MMP26: variants seen among roughly 807,000 people sequenced by gnomAD.
The protein encoded by MMP26 is matrix metallopeptidase 26.
MMP26 carries 33 observed loss-of-function variants against 31.0 expected under a neutral mutation model. The ratio of observed to expected loss-of-function variants is 1.06; its 90% CI spans 0.81 to 1.42. The LOEUF is 1.42. MMP26 is among the 40% of genes most tolerant of loss of function. The probability of loss-of-function intolerance (pLI) is 0.00; values close to 1 mark genes in which losing one functional copy is unlikely to be tolerated. For synonymous variants in MMP26, 122 were observed against 114.9 expected, an observed-to-expected ratio of 1.06 and a Z score of -0.40; for missense variants, 347 against 316.1, an observed-to-expected ratio of 1.10 and a Z score of -0.74.
At chr11:4,974,923 G>A (rs1846716005) in intron 2 of MMP26, among the ~76,000 whole-genome samples, 2 of 151,948 alleles carry the variant, frequency 1.3e-5, no homozygotes, top group African/African-American at 2.4e-5. Flanking sequence ...ATGGACACAG[G>A]GAGAGGAACA....
At chr11:4,980,983 A>T (rs1198101127) in intron 2 of MMP26, among the ~76,000 whole-genome samples, 1 of 152,056 alleles carries the variant, frequency 6.6e-6, no homozygotes, top group Non-Finnish European at 1.5e-5. Flanking sequence ...TATTTATATG[A>T]CAATAGATAT....
At chr11:4,943,985 G>A (rs1330849399) in intron 2 of MMP26, 1 of 410,270 alleles carries the variant, frequency 2.4e-6, no homozygotes, top group Non-Finnish European at 4.8e-6. Context: ...TGGAAATGAA[G>A]TCTTCATATT....
chr11:4,920,879 A>G (rs773410983), intron 2 of MMP26, among the ~76,000 whole-genome samples: 1 of 152,194 alleles, frequency 6.6e-6, no homozygotes, highest in Non-Finnish European at 1.5e-5. Flanking sequence ...TCAGAAAATA[A>G]AGTGCTTCTA....
At chr11:4,943,739 A>G in intron 2 of MMP26, 1 of 360,838 alleles carries the variant, frequency 2.8e-6, no homozygotes, top group Non-Finnish European at 5.5e-6. Flanking sequence ...TAATCCTCCA[A>G]AAACTACATT....
At position 4,722,960 on chromosome 11, in the gene MMP26, A is replaced by G. The variant is rs1341621308; in HGVS notation, c.-217+17915A>G. 27 of 798,902 alleles carry G rather than the reference A, an allele frequency of 3.4e-5. No homozygotes were observed. In the East Asian group the frequency reaches 6.5e-4, roughly 19 times the overall value. 49.5% of individuals were successfully genotyped at this position (798,902 alleles called of 1,614,324 possible). On this transcript the variant is annotated intron_variant, in intron 1 of 7. Coordinates refer to ENST00000380390, the MANE Select transcript of MMP26 (RefSeq NM_021801.5). The stretch of plus-strand genomic sequence containing the variant: ...ACTGGTGGTCTTTGTATGGATACTC[A>G]TGTTCTGCATCCCAGACTCCAGCCG...
At chr11:4,902,199 T>C (rs1228892392) in intron 2 of MMP26, among the ~76,000 whole-genome samples, 1 of 152,182 alleles carries the variant, frequency 6.6e-6, no homozygotes, top group Non-Finnish European at 1.5e-5. Context: ...TCACTTCAGA[T>C]GAAAATTTTA....
intron 2 of MMP26, among the ~76,000 whole-genome samples, chr11:4,850,135 C>T (rs547710501): frequency 1.3e-5 from 2 of 152,070 alleles, no homozygotes; most frequent in African/African-American, 4.8e-5. Flanking sequence ...TTCCTTGGCC[C>T]TCTTTATTTT....
At chr11:4,742,374 C>T (rs1848326257) in intron 1 of MMP26, among the ~76,000 whole-genome samples, 1 of 152,010 alleles carries the variant, frequency 6.6e-6, no homozygotes, top group Admixed American at 6.6e-5. Context: ...GAATGGTTTC[C>T]AGCAAATAAT....
chr11:4,739,758 C>T (rs1216705506), intron 1 of MMP26, among the ~76,000 whole-genome samples: 1 of 151,898 alleles, frequency 6.6e-6, no homozygotes, highest in African/African-American at 2.4e-5. Flanking sequence ...GCTTTTACTC[C>T]TGCTCTTATA....
intron 2 of MMP26, among the ~76,000 whole-genome samples, chr11:4,768,016 C>A (rs934875192): frequency 6.6e-6 from 1 of 152,152 alleles, no homozygotes; most frequent in Non-Finnish European, 1.5e-5. Flanking sequence ...ACTATGAATT[C>A]TTTACCTTGG....
rs544222835 is a variant in MMP26, at chr11:4,798,671, G to A, written c.-145+31330G>A. 2.0e-4 allele frequency among the ~76,000 whole-genome samples: 30 copies of A among 152,322 alleles called. No homozygotes were observed. In the South Asian group the frequency reaches 5.6e-3, roughly 28 times the overall value. ...ACCAGATCATTATGGCATAGAGGAG[G>A]AAGTGGGTATGATGAGAACAGAATG... On this transcript the variant is annotated intron_variant, in intron 2 of 7. Transcript: ENST00000380390.
At chr11:4,966,440 G>C (rs746248715) in intron 2 of MMP26, among the ~76,000 whole-genome samples, 1 of 152,112 alleles carries the variant, frequency 6.6e-6, no homozygotes, top group African/African-American at 2.4e-5. Context: ...TGCCTGATTC[G>C]ATATCTCCAG....
At chr11:4,840,010 C>T (rs140464212) in intron 2 of MMP26, among the ~76,000 whole-genome samples, 1 of 152,242 alleles carries the variant, frequency 6.6e-6, no homozygotes, top group African/African-American at 2.4e-5. Context: ...GCCCTTGGGC[C>T]TTACAGGAAC....
chr11:4,895,630 GTAAGAT>G (rs1468980735), intron 2 of MMP26, among the ~76,000 whole-genome samples: 1 of 152,208 alleles, frequency 6.6e-6, no homozygotes, highest in Non-Finnish European at 1.5e-5. Context: ...AGGGATAGCT[GTAAGAT>G]TTAGTGGCTG....
intron 2 of MMP26, chr11:4,915,521 C>A: frequency 6.2e-7 from 1 of 1,613,944 alleles, no homozygotes; most frequent in East Asian, 2.2e-5. Flanking sequence ...AAGAATTGTG[C>A]AGTTGCCCGG....
At chr11:4,882,979 A>T in intron 2 of MMP26, 2 of 924,966 alleles carry the variant, frequency 2.2e-6, no homozygotes, top group Non-Finnish European at 3.3e-6. Context: ...GTCAATTCCA[A>T]TTGAATTTTA....
At chr11:4,797,582 G>A (rs1445940028) in intron 2 of MMP26, among the ~76,000 whole-genome samples, 1 of 152,142 alleles carries the variant, frequency 6.6e-6, no homozygotes, top group Non-Finnish European at 1.5e-5. Context: ...AATTAAAGTG[G>A]GGAGATACAG....
chr11:4,942,412 G>A (rs1221763275), intron 2 of MMP26, among the ~76,000 whole-genome samples: 2 of 151,992 alleles, frequency 1.3e-5, no homozygotes, highest in Admixed American at 6.6e-5. Flanking sequence ...AATTACAGGA[G>A]AGTGGTAATG....
At chr11:4,904,886 G>C (rs931868611) in intron 2 of MMP26, among the ~76,000 whole-genome samples, 5 of 152,108 alleles carry the variant, frequency 3.3e-5, no homozygotes, top group Admixed American at 6.6e-5. Flanking sequence ...GATACATGGG[G>C]ATAAATAAAA....
Sources: allele counts gnomAD v4.1 joint callset (sites outside exome capture counted in the v4.1 genomes callset), GRCh38; gene constraint gnomAD v4.1.1; transcripts MANE v1.5; gene names NCBI Gene and HGNC (gene_info 2026-07-23, HGNC 2026-07-21).